Variants in TAF2 observed in about 807,000 individuals in gnomAD.
TAF2 encodes transcription initiation factor TFIID subunit 2.
A neutral mutation model predicts 138.5 loss-of-function variants in TAF2; 61 were observed. The observed-to-expected ratio is 0.44, with a 90% CI of 0.36 to 0.54. The LOEUF (loss-of-function observed/expected upper bound fraction) is 0.54. Among genes scored for constraint, TAF2 ranks in the 20% least tolerant of loss-of-function variants. The probability of loss-of-function intolerance (pLI) is 0.00; values close to 1 mark genes in which losing one functional copy is unlikely to be tolerated. For synonymous variants in TAF2, 475 were observed against 469.9 expected, an observed-to-expected ratio of 1.01 and a Z score of -0.14; for missense variants, 1,090 against 1,427.9, an observed-to-expected ratio of 0.76 and a Z score of 3.81.
intron 18 of TAF2, among the ~76,000 whole-genome samples, chr8:119,766,791 A>G (rs1435495742): frequency 6.6e-6 from 1 of 152,062 alleles, no homozygotes; most frequent in Non-Finnish European, 1.5e-5. Flanking sequence ...CCGAGATCAC[A>G]CCGCTGTACT....
chr8:119,731,147 CAT>C lies in TAF2; in HGVS notation c.*775_*776del, dbSNP rs1178013355. The C allele has an allele frequency of 6.6e-6, 1 of 152,050 alleles. No individual in the cohort carries two copies. Among genetic ancestry groups the C allele is most frequent in the African/African-American group, 2.4e-5 (1 of 41,406 alleles). The allele number at this position is 152,050 out of a possible 1,614,324, so 9.4% of individuals were successfully genotyped here. A position where few individuals can be genotyped will look rare whatever the true frequency, so the allele number is the denominator to read the frequency against. ...TGTAAATTGTCCACATTAAGCAAAACATATTTTACATATGAATATTTTCATTT... is the reference window on the plus strand; with the variant it reads ...TGTAAATTGTCCACATTAAGCAAAACATTTTACATATGAATATTTTCATTT... On this transcript the variant is annotated 3_prime_UTR_variant, in exon 26 of 26. Coordinates refer to ENST00000378164, the MANE Select transcript of TAF2 (RefSeq NM_003184.4).
chr8:119,801,738 T>C, intron 6 of TAF2, 56 bp downstream of exon 6: 1 of 1,554,600 alleles, frequency 6.4e-7, no homozygotes, highest in Non-Finnish European at 8.9e-7. Context: ...AATATCTATC[T>C]TTTTAAAAGC....
At chr8:119,785,036 TTA>T (rs1315919924) in intron 15 of TAF2, among the ~76,000 whole-genome samples, 163 bp downstream of exon 15, 1 of 152,224 alleles carries the variant, frequency 6.6e-6, no homozygotes, top group African/African-American at 2.4e-5. Context: ...CTCTGATTAG[TTA>T]TGATTTTACA....
intron 2 of TAF2, among the ~76,000 whole-genome samples, chr8:119,829,910 A>G (rs1586561777): frequency 7.4e-6 from 1 of 135,462 alleles, no homozygotes; most frequent in Admixed American, 8.1e-5. Flanking sequence ...CCCAGGCTGG[A>G]GTGCAGTGGC....
chr8:119,792,355 G>A (rs1823497396), intron 10 of TAF2, among the ~76,000 whole-genome samples: 1 of 151,984 alleles, frequency 6.6e-6, no homozygotes, highest in African/African-American at 2.4e-5. Flanking sequence ...GTTTTGCCAT[G>A]TTGGTAGGCT....
In TAF2 at chr8:119,801,878, A is replaced by G. The variant is rs1824290541; in HGVS notation, c.708T>C (p.Tyr236=). The G allele has an allele frequency of 6.2e-7, 1 of 1,614,102 alleles. No homozygotes were observed. Among genetic ancestry groups the G allele is most frequent in the Non-Finnish European group, 8.5e-7 (1 of 1,180,048 alleles). Residue 236 remains tyrosine (Y), a synonymous_variant, in exon 6 of 26, where the codon TAT becomes TAC. Coordinates refer to ENST00000378164, the MANE Select transcript of TAF2 (RefSeq NM_003184.4). ...ACGCTGCTGTAGGAATGGTAAGCAT[A>G]TAATGGAAAGTTTTCTTCCTCATAT... The part of the protein sequence containing the change: ...THDMRKKTFH[Y]MLTIPTAASN...
chr8:119,761,122 T>A (rs1418531608), intron 19 of TAF2, among the ~76,000 whole-genome samples: 1 of 152,194 alleles, frequency 6.6e-6, no homozygotes, highest in Admixed American at 6.5e-5. Flanking sequence ...GCTCCATTTA[T>A]CTTATGGTAA....
intron 3 of TAF2, among the ~76,000 whole-genome samples, chr8:119,814,605 G>A (rs1189284084): frequency 2.0e-5 from 3 of 151,758 alleles, no homozygotes; most frequent in Non-Finnish European, 4.4e-5. Context: ...ATAAAAAAGG[G>A]CTTCTCGGCT....
intron 8 of TAF2, 23 bp downstream of exon 8, chr8:119,796,967 G>A: frequency 6.7e-7 from 1 of 1,487,604 alleles, no homozygotes; most frequent in Non-Finnish European, 9.4e-7. Context: ...CTTCTCAGTA[G>A]TATGAACTTT....
chr8:119,793,396 G>C lies in TAF2; in HGVS notation c.1247C>G (p.Pro416Arg). ...ELKTGGVLLH[P>R]IFGGGKEKDN... ...CTTCTCTTTTCCTCCACCAAATATG[G>C]GATGTAGTAAAACCCCACCAGTTTT... The change falls in exon 10 of 26, where the codon CCC (proline) becomes CGC (arginine). Residue 416 changes from proline to arginine, a missense_variant. Physicochemically the swap from Pro to Arg is moderately radical, Grantham distance 103. Transcript: ENST00000378164. 6.2e-7 allele frequency: 1 copy of C among 1,612,716 alleles called. No individual in the cohort carries two copies. The highest frequency in any genetic ancestry group is 8.5e-7 in the Non-Finnish European group (1 of 1,179,248).
rs115072274 is a variant in TAF2 at position 119,807,569 on chromosome 8, G to T, written c.300-1168C>A. Among the ~76,000 whole-genome samples the T allele has an allele frequency of 7.5e-3, 1,150 of 152,328 alleles. 17 individuals carry two copies. The highest frequency in any genetic ancestry group is 0.026 in the African/African-American group (1,090 of 41,582). ...TTTATGTCTGCCATCCTGCCGTTAGGTGTAGCCACAAGGTGAAATTAGTGA... is the reference window on the plus strand; with the variant it reads ...TTTATGTCTGCCATCCTGCCGTTAGTTGTAGCCACAAGGTGAAATTAGTGA... On this transcript the variant is annotated intron_variant, in intron 3 of 25. Coordinates refer to ENST00000378164, the MANE Select transcript of TAF2 (RefSeq NM_003184.4).
chr8:119,759,770 T>C (rs1464660796), intron 20 of TAF2, among the ~76,000 whole-genome samples: 1 of 152,140 alleles, frequency 6.6e-6, no homozygotes, highest in Non-Finnish European at 1.5e-5. Context: ...ACATAAGAGA[T>C]GCAGCTTTAA....
intron 20 of TAF2, among the ~76,000 whole-genome samples, chr8:119,759,857 G>C (rs549772337): frequency 6.6e-6 from 1 of 152,206 alleles, no homozygotes; most frequent in East Asian, 1.9e-4. Flanking sequence ...AAATGACATA[G>C]CCATTTGTTC....
At chr8:119,733,671 T>C (rs1160392474) in intron 25 of TAF2, among the ~76,000 whole-genome samples, 2 of 152,196 alleles carry the variant, frequency 1.3e-5, no homozygotes, top group African/African-American at 2.4e-5. Flanking sequence ...GTTAATGGTA[T>C]TGCTTTACAT....
At chr8:119,805,093 T>C (rs1019028458) in intron 4 of TAF2, among the ~76,000 whole-genome samples, 6 of 152,134 alleles carry the variant, frequency 3.9e-5, no homozygotes, top group African/African-American at 1.4e-4. Context: ...TTTACTTCCT[T>C]GATTAATTTT....
chr8:119,769,512 T>A (rs1446808616), intron 18 of TAF2, among the ~76,000 whole-genome samples: 1 of 151,932 alleles, frequency 6.6e-6, no homozygotes, highest in Non-Finnish European at 1.5e-5. Context: ...AAAATATGGA[T>A]TGAAAGGAAG....
At position 119,813,894 on chromosome 8, in the gene TAF2, C is replaced by T. The variant is rs76730071; in HGVS notation, c.299+5452G>A. Reference sequence around the variant, plus strand: ...ACTTTGGGAGACCAAGGCAGAAGGACCACTTGAGGCCAGGAGTTCAAAACC... The same window carrying T: ...ACTTTGGGAGACCAAGGCAGAAGGATCACTTGAGGCCAGGAGTTCAAAACC... On this transcript the variant is annotated intron_variant, in intron 3 of 25. Transcript: ENST00000378164. Among the ~76,000 whole-genome samples the T allele has an allele frequency of 1.3e-4, 20 of 152,132 alleles. No homozygotes were observed. The East Asian group carries it at 3.7e-3, about 28-fold the overall frequency.
intron 13 of TAF2, 141 bp downstream of exon 13, chr8:119,788,648 CT>C (rs1823204089): frequency 1.2e-6 from 1 of 804,078 alleles, no homozygotes; most frequent in Admixed American, 2.2e-5. Flanking sequence ...CTCTTCCCTT[CT>C]TTGACAAAGT....
rs536156732 is a variant in TAF2, at chr8:119,789,025, T to C, written c.1569-121A>G. On this transcript the variant is annotated intron_variant, in intron 12 of 25. Transcript: ENST00000378164. ...CCCACCAGTTCAAAGTTTGAGAGCA[T>C]ACGCTACAGTAAACCAGGTGGCAAA... The C allele has an allele frequency of 1.6e-5, 11 of 699,428 alleles. No homozygotes were observed. The East Asian group carries it at 2.7e-4, about 17-fold the overall frequency. The allele number at this position is 699,428 out of a possible 1,614,324, so 43.3% of individuals were successfully genotyped here. A position where few individuals can be genotyped will look rare whatever the true frequency, so the allele number is the denominator to read the frequency against.
Sources: allele counts gnomAD v4.1 joint callset (sites outside exome capture counted in the v4.1 genomes callset), GRCh38; gene constraint gnomAD v4.1.1; transcripts MANE v1.5; gene names NCBI Gene and HGNC (gene_info 2026-07-23, HGNC 2026-07-21).